Variants in NR6A1 observed in about 807,000 individuals in gnomAD.
NR6A1 encodes retinoic acid receptor-related testis-associated receptor.
A neutral mutation model predicts 59.1 loss-of-function variants in NR6A1; 7 were observed. That is an observed-to-expected ratio of 0.12 (90% CI 0.07 to 0.22). NR6A1 has a LOEUF of 0.22. Ranked by LOEUF, NR6A1 falls within the 10% of genes least tolerant of loss-of-function variation. The probability of loss-of-function intolerance (pLI) is 1.00; values close to 1 mark genes in which losing one functional copy is unlikely to be tolerated. For synonymous variants in NR6A1, 243 were observed against 236.1 expected, an observed-to-expected ratio of 1.03 and a Z score of -0.27; for missense variants, 468 against 611.6, an observed-to-expected ratio of 0.77 and a Z score of 2.48.
At chr9:124,706,915 C>T (rs1839150442) in intron 2 of NR6A1, among the ~76,000 whole-genome samples, 1 of 152,138 alleles carries the variant, frequency 6.6e-6, no homozygotes, top group Admixed American at 6.6e-5. Context: ...ATTGTTTTTC[C>T]TTATCTATAA....
At chr9:124,690,748 G>A (rs1838511709) in intron 2 of NR6A1, among the ~76,000 whole-genome samples, 1 of 151,956 alleles carries the variant, frequency 6.6e-6, no homozygotes, top group African/African-American at 2.4e-5. Context: ...CTTTATCCTT[G>A]CACCGAGTAT....
chr9:124,543,052 A>C (rs1191142065), intron 4 of NR6A1, among the ~76,000 whole-genome samples: 2 of 152,046 alleles, frequency 1.3e-5, no homozygotes, highest in East Asian at 3.9e-4. Context: ...CTTGAAGGCC[A>C]CTCCCTAATG....
chr9:124,685,781 T>A (rs750515207), intron 2 of NR6A1, among the ~76,000 whole-genome samples: 9 of 152,222 alleles, frequency 5.9e-5, no homozygotes, highest in Non-Finnish European at 1.3e-4. Context: ...ATGATTAGCA[T>A]TCCCACTCAA....
rs1381530793 is a variant in NR6A1, at chr9:124,521,456, T to C, written c.*1249A>G. On this transcript the variant is annotated 3_prime_UTR_variant, in exon 10 of 10. Transcript: ENST00000487099. ...AGCTGAGCCACTCTGGGCCTTGGGCTTTGTGTCCTGGGTCCCTGAGGAAAA... is the reference window on the plus strand; with the variant it reads ...AGCTGAGCCACTCTGGGCCTTGGGCCTTGTGTCCTGGGTCCCTGAGGAAAA... 6.6e-6 allele frequency: 1 copy of C among 152,368 alleles called. No individual in the cohort carries two copies. The highest frequency in any genetic ancestry group is 1.5e-5 in the Non-Finnish European group (1 of 68,176). 9.4% of individuals were successfully genotyped at this position (152,368 alleles called of 1,614,324 possible).
chr9:124,691,328 G>A (rs971818016), intron 2 of NR6A1, among the ~76,000 whole-genome samples: 4 of 152,062 alleles, frequency 2.6e-5, no homozygotes, highest in South Asian at 2.1e-4. Flanking sequence ...TTCTTTTAAC[G>A]TGTACCATTT....
At chr9:124,567,520 T>C (rs1424648777) in intron 2 of NR6A1, among the ~76,000 whole-genome samples, 1 of 151,918 alleles carries the variant, frequency 6.6e-6, no homozygotes, top group African/African-American at 2.4e-5. Flanking sequence ...TCCCAGTACT[T>C]AGGGGAGGCA....
intron 2 of NR6A1, among the ~76,000 whole-genome samples, chr9:124,626,979 G>A (rs1321142041): frequency 2.6e-5 from 4 of 152,132 alleles, no homozygotes; most frequent in African/African-American, 9.7e-5. Context: ...CTACTGAGAA[G>A]CTACCATTAC....
intron 1 of NR6A1, among the ~76,000 whole-genome samples, chr9:124,763,420 C>T (rs531018935): frequency 3.8e-4 from 58 of 152,208 alleles, no homozygotes; most frequent in African/African-American, 1.2e-3. Context: ...CTTAGCATTA[C>T]GATTAAAATA....
At chr9:124,624,691 G>C (rs974147002) in intron 2 of NR6A1, among the ~76,000 whole-genome samples, 7 of 152,188 alleles carry the variant, frequency 4.6e-5, no homozygotes, top group African/African-American at 1.7e-4. Flanking sequence ...ACAGCTCTTT[G>C]AGATATCAAA....
At chr9:124,524,324 T>A (rs542293715) in intron 9 of NR6A1, among the ~76,000 whole-genome samples, 153 of 152,330 alleles carry the variant, frequency 1.0e-3, no homozygotes, top group African/African-American at 3.5e-3. Context: ...AAGATAATTT[T>A]AAAAATTGAG....
chr9:124,641,370 A>G (rs551345944), intron 2 of NR6A1, among the ~76,000 whole-genome samples: 14 of 151,918 alleles, frequency 9.2e-5, no homozygotes, highest in African/African-American at 3.4e-4. Flanking sequence ...AAAAAAAAAA[A>G]AAAAGAAAAG....
intron 2 of NR6A1, among the ~76,000 whole-genome samples, chr9:124,717,103 A>C (rs189829288): frequency 1.5e-3 from 234 of 152,366 alleles, no homozygotes; most frequent in Non-Finnish European, 5.7e-4. Context: ...AAAAACTAGC[A>C]ATAACAAATG....
At chr9:124,691,576 C>A (rs941823136) in intron 2 of NR6A1, among the ~76,000 whole-genome samples, 2 of 152,120 alleles carry the variant, frequency 1.3e-5, no homozygotes, top group Non-Finnish European at 2.9e-5. Flanking sequence ...CAAAAATAAC[C>A]ACTATGTCCT....
chr9:124,667,188 C>G (rs1009672968), intron 2 of NR6A1, among the ~76,000 whole-genome samples: 2 of 151,894 alleles, frequency 1.3e-5, no homozygotes, highest in African/African-American at 4.8e-5. Context: ...GCACCCGCCA[C>G]GCCTGGCTAA....
intron 2 of NR6A1, among the ~76,000 whole-genome samples, chr9:124,677,036 C>A (rs1837985483): frequency 6.6e-6 from 1 of 152,078 alleles, no homozygotes; most frequent in Non-Finnish European, 1.5e-5. Context: ...AGACTTCATT[C>A]TCTATTTCCC....
At chr9:124,555,357 T>C (rs1483314979) in intron 2 of NR6A1, among the ~76,000 whole-genome samples, 1 of 152,142 alleles carries the variant, frequency 6.6e-6, no homozygotes, top group Admixed American at 6.5e-5. Flanking sequence ...TGCCAGCAGG[T>C]ACAAGAAATC....
At position 124,524,812 on chromosome 9, in the gene NR6A1, A is replaced by G. The variant is rs760963471; in HGVS notation, c.1263T>C (p.Ile421=). ...LEQLNKRYWY[I]CQDFTEYKYT... is the part of the protein sequence containing the mutation. ...ATTTATATTCAGTAAAATCCTGGCAAATGTACCAGTATCGTTTATTCAATT... is the reference window on the plus strand; with the variant it reads ...ATTTATATTCAGTAAAATCCTGGCAGATGTACCAGTATCGTTTATTCAATT... The change falls in exon 9 of 10, where the codon ATT becomes ATC. Residue 421 remains isoleucine (I), a synonymous_variant. Coordinates refer to ENST00000487099, the MANE Select transcript of NR6A1 (RefSeq NM_033334.4). 26 of 1,613,944 alleles carry G rather than the reference A, an allele frequency of 1.6e-5. No individual in the cohort carries two copies. The highest frequency in any genetic ancestry group is 2.0e-5 in the Non-Finnish European group (24 of 1,179,992).
In NR6A1 at chr9:124,706,652, G is replaced by A. The variant is rs554168455; in HGVS notation, c.142+26656C>T. Among the ~76,000 whole-genome samples, 5 of 152,114 alleles carry A rather than the reference G, an allele frequency of 3.3e-5. No homozygotes were observed. The East Asian group carries it at 7.7e-4, about 24-fold the overall frequency. The stretch of plus-strand genomic sequence containing the variant: ...TCAGCCTCTCCTGACATGAGTAGCT[G>A]GGATTACTGACATGCGCCACCACAC... On this transcript the variant is annotated intron_variant, in intron 2 of 9. Transcript: ENST00000487099.
chr9:124,731,369 C>CG (rs1299040412), intron 2 of NR6A1, among the ~76,000 whole-genome samples: 10 of 137,000 alleles, frequency 7.3e-5, no homozygotes, highest in Middle Eastern at 8.4e-3. Flanking sequence ...AACTCCATCT[C>CG]GAAAAAAAAA....
Sources: gnomAD v4.1 joint callset for allele counts (sites outside exome capture counted in the v4.1 genomes callset) on GRCh38, gnomAD v4.1.1 for gene constraint, MANE v1.5 for transcripts, NCBI Gene and HGNC (gene_info 2026-07-23, HGNC 2026-07-21) for gene names.